MNAT1: variants seen among roughly 807,000 people sequenced by gnomAD.
MNAT1 encodes the protein MNAT1 component of CDK activating kinase, also known as CDK-activating kinase assembly factor MAT1.
MNAT1 carries 43 observed loss-of-function variants against 42.0 expected under a neutral mutation model. That is an observed-to-expected ratio of 1.02 (90% confidence interval 0.80 to 1.32). The LOEUF is 1.32. Among genes scored for constraint, MNAT1 ranks in the 40% most tolerant of loss-of-function variants. The pLI is 0.00. For synonymous variants in MNAT1, 118 were observed against 120.0 expected, an observed-to-expected ratio of 0.98 and a Z score of 0.11; for missense variants, 306 against 350.4, an observed-to-expected ratio of 0.87 and a Z score of 1.01.
At chr14:60,946,593 A>G (rs1289168237) in intron 7 of MNAT1, among the ~76,000 whole-genome samples, 1 of 151,366 alleles carries the variant, frequency 6.6e-6, no homozygotes, top group Non-Finnish European at 1.5e-5. Context: ...TTCCTCTGCT[A>G]AAGTTATTGT....
At chr14:60,939,868 A>G (rs565072818) in intron 7 of MNAT1, among the ~76,000 whole-genome samples, 2 of 152,088 alleles carry the variant, frequency 1.3e-5, no homozygotes, top group Non-Finnish European at 2.9e-5. Flanking sequence ...TGGGAGTCTA[A>G]GTCTCTTTGT....
In MNAT1 at chr14:60,799,153, G is replaced by C. The variant is rs372168378; in HGVS notation, c.316+993G>C. On this transcript the variant is annotated intron_variant, in intron 3 of 7. Transcript: ENST00000261245. ...GTTCATTTGTTATGCCATAGCAAAA[G>C]CATGTGGAAAACATAATTTAGGGTT... is the stretch of plus-strand genomic sequence containing the variant. 21 of 707,304 alleles carry C rather than the reference G, an allele frequency of 3.0e-5. No homozygotes were observed. The Admixed American group carries it at 5.0e-4, about 17-fold the overall frequency. The allele number at this position is 707,304 out of a possible 1,614,324, so 43.8% of individuals were successfully genotyped here. A position where few individuals can be genotyped will look rare whatever the true frequency, so the allele number is the denominator to read the frequency against.
intron 1 of MNAT1, among the ~76,000 whole-genome samples, chr14:60,765,395 A>G (rs1386388738): frequency 1.3e-5 from 2 of 152,190 alleles, no homozygotes; most frequent in Non-Finnish European, 2.9e-5. Context: ...TAGTTGAGGG[A>G]TAGCATTAGG....
chr14:60,854,356 G>C (rs569551286), intron 6 of MNAT1, among the ~76,000 whole-genome samples: 1 of 152,296 alleles, frequency 6.6e-6, no homozygotes, highest in South Asian at 2.1e-4. Context: ...GAGAGGAGTT[G>C]TAATCATTTG....
At chr14:60,816,615 G>A (rs1272547615) in intron 5 of MNAT1, among the ~76,000 whole-genome samples, 1 of 152,024 alleles carries the variant, frequency 6.6e-6, no homozygotes, top group African/African-American at 2.4e-5. Flanking sequence ...AATTAATACA[G>A]GTTAGGGAAC....
chr14:60,845,567 C>T (rs1434276327), intron 6 of MNAT1, among the ~76,000 whole-genome samples: 1 of 152,006 alleles, frequency 6.6e-6, no homozygotes, highest in African/African-American at 2.4e-5. Context: ...AATCCACTCA[C>T]ATTAAGCATA....
chr14:60,867,127 C>T (rs2034220020), intron 6 of MNAT1, among the ~76,000 whole-genome samples: 1 of 151,974 alleles, frequency 6.6e-6, no homozygotes, highest in Admixed American at 6.6e-5. Flanking sequence ...TATTTAGAGC[C>T]ATTTTATTTC....
chr14:60,860,632 G>A (rs1300989081), intron 6 of MNAT1, among the ~76,000 whole-genome samples: 3 of 152,024 alleles, frequency 2.0e-5, no homozygotes, highest in South Asian at 2.1e-4. Context: ...GATTACAGGC[G>A]TGAGCCACCA....
At chr14:60,874,473 GATTCTTCCTCTCAAT>G (rs568563789) in intron 6 of MNAT1, among the ~76,000 whole-genome samples, 96 of 151,958 alleles carry the variant, frequency 6.3e-4, no homozygotes, top group Middle Eastern at 3.4e-3. Flanking sequence ...ATCTTTTATT[GATTCTTCCTCTCAAT>G]ATTCTTCCTC....
At chr14:60,890,462 G>A (rs552457625) in intron 7 of MNAT1, among the ~76,000 whole-genome samples, 2 of 152,260 alleles carry the variant, frequency 1.3e-5, no homozygotes, top group African/African-American at 4.8e-5. Flanking sequence ...TATATATGAA[G>A]GGGAGTTTAT....
rs557330208 is a variant in MNAT1 at position 60,965,831 on chromosome 14, T to C, written c.810-2398T>C. 6.2e-4 allele frequency among the ~76,000 whole-genome samples: 95 copies of C among 152,314 alleles called. 1 individual carries two copies. The highest frequency in any genetic ancestry group is 2.3e-3 in the Admixed American group (35 of 15,298). ...ATCTGGTGTGCGGATAAAAATTAGCTGGAAACTTGTATCAGGAATGGAACA... is the reference window on the plus strand; with the variant it reads ...ATCTGGTGTGCGGATAAAAATTAGCCGGAAACTTGTATCAGGAATGGAACA... On this transcript the variant is annotated intron_variant, in intron 7 of 7. Transcript: ENST00000261245.
intron 1 of MNAT1, among the ~76,000 whole-genome samples, chr14:60,764,540 A>C (rs1319828135): frequency 6.6e-6 from 1 of 152,186 alleles, no homozygotes; most frequent in Non-Finnish European, 1.5e-5. Flanking sequence ...TTAAAGCATT[A>C]GAGTTGAATT....
chr14:60,968,417 T>G lies in MNAT1; in HGVS notation c.*68T>G. The G allele has an allele frequency of 6.4e-7, 1 of 1,571,202 alleles. No individual in the cohort carries two copies. The highest frequency in any genetic ancestry group is 1.2e-5 in the South Asian group (1 of 85,768). ...GCAAAAGTAAAGCAGACTTATAAAA[T>G]TATAGCTATGTGCAGCTGCACAACA... On this transcript the variant is annotated 3_prime_UTR_variant, in exon 8 of 8. Coordinates refer to ENST00000261245, the MANE Select transcript of MNAT1 (RefSeq NM_002431.4).
At chr14:60,849,223 T>TG (rs2033758971) in intron 6 of MNAT1, among the ~76,000 whole-genome samples, 2 of 152,240 alleles carry the variant, frequency 1.3e-5, no homozygotes, top group Non-Finnish European at 2.9e-5. Context: ...AAATCACTCA[T>TG]GTAATATAAA....
intron 7 of MNAT1, among the ~76,000 whole-genome samples, chr14:60,926,254 T>C (rs548981592): frequency 6.6e-6 from 1 of 152,262 alleles, no homozygotes; most frequent in East Asian, 1.9e-4. Flanking sequence ...TGTGGGGTTT[T>C]CCCCCCACAC....
At chr14:60,763,877 G>A (rs1229810605) in intron 1 of MNAT1, among the ~76,000 whole-genome samples, 7 of 152,152 alleles carry the variant, frequency 4.6e-5, no homozygotes, top group Non-Finnish European at 1.0e-4. Context: ...AAAACAAAGG[G>A]CTGCTTTAGA....
intron 6 of MNAT1, among the ~76,000 whole-genome samples, chr14:60,820,369 A>G (rs1055891239): frequency 8.5e-5 from 13 of 152,234 alleles, no homozygotes; most frequent in African/African-American, 2.9e-4. Context: ...TTTGACCTCA[A>G]TGGATAAAGT....
At chr14:60,812,939 C>T (rs907477672) in intron 5 of MNAT1, among the ~76,000 whole-genome samples, 1 of 152,180 alleles carries the variant, frequency 6.6e-6, no homozygotes, top group African/African-American at 2.4e-5. Context: ...TGGGACCCAC[C>T]AAGTGTGGGT....
intron 1 of MNAT1, among the ~76,000 whole-genome samples, chr14:60,767,370 CT>C (rs938058847): frequency 1.3e-5 from 2 of 152,142 alleles, no homozygotes; most frequent in African/African-American, 4.8e-5. Flanking sequence ...CTCAGTATTT[CT>C]TTTTACTACA....
Sources: gnomAD v4.1 joint callset for allele counts (sites outside exome capture counted in the v4.1 genomes callset) on GRCh38, gnomAD v4.1.1 for gene constraint, MANE v1.5 for transcripts, NCBI Gene and HGNC (gene_info 2026-07-23, HGNC 2026-07-21) for gene names.